Variants in GRAP2 observed in about 807,000 individuals in gnomAD.
GRAP2 encodes the protein GRB2 related adaptor protein 2.
A neutral mutation model predicts 43.5 loss-of-function variants in GRAP2; 31 were observed. The observed-to-expected ratio is 0.71, with a 90% CI of 0.54 to 0.96. GRAP2 has a LOEUF of 0.96. Ranked by LOEUF, GRAP2 falls within the 40% of genes least tolerant of loss-of-function variation. The pLI, the probability that GRAP2 is intolerant of heterozygous loss-of-function variation, is 0.00. For synonymous variants in GRAP2, 156 were observed against 164.8 expected, an observed-to-expected ratio of 0.95 and a Z score of 0.41; for missense variants, 371 against 424.4, an observed-to-expected ratio of 0.87 and a Z score of 1.11.
intron 1 of GRAP2, among the ~76,000 whole-genome samples, chr22:39,913,287 TAG>T (rs768660023): frequency 1.3e-4 from 19 of 147,832 alleles, no homozygotes; most frequent in East Asian, 1.2e-3. Context: ...GTGGGAGAAA[TAG>T]AGAGAGAGAA....
At chr22:39,912,796 G>T (rs2066576216) in intron 1 of GRAP2, among the ~76,000 whole-genome samples, 1 of 152,190 alleles carries the variant, frequency 6.6e-6, no homozygotes, top group Non-Finnish European at 1.5e-5. Context: ...TGGTGGTGGG[G>T]TTGTGAGTGG....
intron 2 of GRAP2, among the ~76,000 whole-genome samples, chr22:39,952,118 C>T (rs2066990792): frequency 2.0e-5 from 3 of 151,688 alleles, no homozygotes; most frequent in African/African-American, 7.3e-5. Context: ...CCTCCGCCTC[C>T]TGGGTTCAAG....
the GRAP2 span, among the ~76,000 whole-genome samples, chr22:39,895,415 A>G: frequency 6.6e-6 from 1 of 152,204 alleles, no homozygotes; most frequent in Admixed American, 6.5e-5. Context: ...TTGACTGGCT[A>G]TAATATAGAG....
intron 2 of GRAP2, chr22:39,947,525 G>T (rs2066936578): frequency 3.6e-6 from 1 of 277,120 alleles, no homozygotes; most frequent in Admixed American, 4.6e-5. Flanking sequence ...AGGAGTGTGT[G>T]CAATGTGAAC....
upstream of GRAP2, among the ~76,000 whole-genome samples, chr22:39,897,817 G>C (rs148115210): frequency 2.1e-3 from 318 of 152,150 alleles, 1 homozygote; most frequent in African/African-American, 7.1e-3. Flanking sequence ...ACCATGCCTG[G>C]CCAACAGTAG....
At chr22:39,916,837 C>G (rs116051727) in intron 1 of GRAP2, among the ~76,000 whole-genome samples, 2,653 of 152,116 alleles carry the variant, frequency 0.017, 81 homozygotes, top group African/African-American at 0.06. Context: ...TTTAGTGGAG[C>G]AGAAATGATT....
At chr22:39,969,599 A>G (rs953596363) in intron 7 of GRAP2, 66 bp downstream of exon 7, 1 of 1,555,970 alleles carries the variant, frequency 6.4e-7, no homozygotes, top group Non-Finnish European at 8.8e-7. Context: ...AATGGAGGAG[A>G]TGAGGCAGGA....
intron 1 of GRAP2, among the ~76,000 whole-genome samples, chr22:39,907,916 C>T (rs933075072): frequency 2.0e-5 from 3 of 152,198 alleles, no homozygotes; most frequent in Admixed American, 6.5e-5. Context: ...CGGGACGTAG[C>T]ACCAAGCCTG....
At chr22:39,909,750 C>T in intron 1 of GRAP2, among the ~76,000 whole-genome samples, 1 of 152,124 alleles carries the variant, frequency 6.6e-6, no homozygotes, top group East Asian at 1.9e-4. Context: ...TAAAAAACAG[C>T]TCAAGATGGA....
chr22:39,925,780 C>G (rs1413280912), intron 1 of GRAP2, among the ~76,000 whole-genome samples: 5 of 152,222 alleles, frequency 3.3e-5, no homozygotes, highest in African/African-American at 1.2e-4. Context: ...CCAAGCCCCC[C>G]AGATCCGGTA....
intron 4 of GRAP2, among the ~76,000 whole-genome samples, chr22:39,961,863 C>T (rs1019540352): frequency 2.6e-5 from 4 of 152,184 alleles, no homozygotes; most frequent in Admixed American, 2.0e-4. Context: ...AAACTGTGGC[C>T]ACTTTGCTGT....
At chr22:39,913,729 C>T (rs1358143593) in intron 1 of GRAP2, among the ~76,000 whole-genome samples, 1 of 152,212 alleles carries the variant, frequency 6.6e-6, no homozygotes, top group Admixed American at 6.5e-5. Flanking sequence ...TCCTCTGGGT[C>T]ATTCCCCTAC....
chr22:39,960,378 G>A (rs2067105917), intron 4 of GRAP2: 1 of 537,844 alleles, frequency 1.9e-6, no homozygotes, highest in Non-Finnish European at 3.3e-6. Flanking sequence ...ACACTGGTGT[G>A]TGTTTGAAAT....
At chr22:39,951,139 A>G (rs1350879378) in intron 2 of GRAP2, among the ~76,000 whole-genome samples, 1 of 152,202 alleles carries the variant, frequency 6.6e-6, no homozygotes, top group Non-Finnish European at 1.5e-5. Context: ...TCTACACGGC[A>G]TGTAGATCAA....
chr22:39,941,302 C>T (rs562853763), intron 1 of GRAP2, among the ~76,000 whole-genome samples: 2 of 152,288 alleles, frequency 1.3e-5, no homozygotes, highest in South Asian at 4.1e-4. Context: ...AGAACAACCC[C>T]ACGGAGTAAC....
chr22:39,971,876 C>T lies in GRAP2; in HGVS notation c.*792C>T, dbSNP rs1007626720. The stretch of plus-strand genomic sequence containing the variant: ...ATGAAGGAAATAGCATCCTACATTC[C>T]GTAAAGTGCTTGAAGAAGCTCTAGC... On this transcript the variant is annotated 3_prime_UTR_variant, in exon 8 of 8. Coordinates refer to ENST00000344138, the MANE Select transcript of GRAP2 (RefSeq NM_004810.4). 3 of 152,218 alleles carry T rather than the reference C, an allele frequency of 2.0e-5. No individual in the cohort carries two copies. Among genetic ancestry groups the T allele is most frequent in the South Asian group, 2.1e-4 (1 of 4,830 alleles). 9.4% of individuals were successfully genotyped at this position (152,218 alleles called of 1,614,324 possible).
chr22:39,956,278 C>A (rs894925308), intron 3 of GRAP2, among the ~76,000 whole-genome samples: 9 of 151,804 alleles, frequency 5.9e-5, no homozygotes, highest in African/African-American at 2.2e-4. Flanking sequence ...TCACCTCAGC[C>A]TCCCAAGTAG....
chr22:39,911,405 A>G (rs2066564839), intron 1 of GRAP2, among the ~76,000 whole-genome samples: 2 of 150,738 alleles, frequency 1.3e-5, no homozygotes, highest in East Asian at 4.0e-4. Context: ...CCCATCCTCA[A>G]CTCTACCCTC....
At chr22:39,909,958 C>T (rs1242158900) in intron 1 of GRAP2, among the ~76,000 whole-genome samples, 1 of 152,198 alleles carries the variant, frequency 6.6e-6, no homozygotes, top group Admixed American at 6.5e-5. Context: ...CATGGGGAAT[C>T]CAGAAACTAA....
Sources: allele counts gnomAD v4.1 joint callset (sites outside exome capture counted in the v4.1 genomes callset), GRCh38; gene constraint gnomAD v4.1.1; transcripts MANE v1.5; gene names NCBI Gene and HGNC (gene_info 2026-07-23, HGNC 2026-07-21).